The following ANO1 variants were observed in gnomAD, a reference collection of about 807,000 sequenced individuals.
ANO1 encodes the protein anoctamin 1.
Under a neutral mutation model 124.0 loss-of-function variants are expected in ANO1, and 59 were observed. The ratio of observed to expected loss-of-function variants is 0.48; its 90% CI spans 0.39 to 0.59. The LOEUF is 0.59. Among genes scored for constraint, ANO1 ranks in the 20% least tolerant of loss-of-function variants. The probability of loss-of-function intolerance (pLI) is 0.00; values close to 1 mark genes in which losing one functional copy is unlikely to be tolerated. For synonymous variants in ANO1, 529 were observed against 532.0 expected, an observed-to-expected ratio of 0.99 and a Z score of 0.08; for missense variants, 1,059 against 1,328.0, an observed-to-expected ratio of 0.80 and a Z score of 3.15.
rs747581961 is a variant in ANO1 at position 70,116,409 on chromosome 11, C to T, written c.856-49C>T. On this transcript the variant is annotated intron_variant, in intron 7 of 25. Coordinates refer to ENST00000355303, the MANE Select transcript of ANO1 (RefSeq NM_018043.7). ...GAAACATAATGGATGTGAGCGCCTC[C>T]AAAGCTCCATTGGATGATAAGAACG... 4 of 1,555,628 alleles carry T rather than the reference C, an allele frequency of 2.6e-6. No homozygotes were observed. In the South Asian group the frequency reaches 3.5e-5, roughly 14 times the overall value.
chr11:70,108,478 G>A, intron 6 of ANO1, 74 bp downstream of exon 6: 1 of 1,524,084 alleles, frequency 6.6e-7, no homozygotes, highest in Non-Finnish European at 9.1e-7. Flanking sequence ...CATCTCTGTG[G>A]GAGGCAGGCA....
At chr11:70,144,911 C>T (rs988652187) in intron 11 of ANO1, among the ~76,000 whole-genome samples, 1 of 152,190 alleles carries the variant, frequency 6.6e-6, no homozygotes, top group South Asian at 2.1e-4. Flanking sequence ...TGCGTCGTCC[C>T]TGCGTGGAGG....
At chr11:70,112,455 C>T (rs1360606471) in intron 7 of ANO1, among the ~76,000 whole-genome samples, 4 of 152,222 alleles carry the variant, frequency 2.6e-5, no homozygotes, top group African/African-American at 9.6e-5. Flanking sequence ...CCTGCTCCTC[C>T]GCCTTGAGTG....
intron 8 of ANO1, among the ~76,000 whole-genome samples, chr11:70,119,075 A>G (rs2046131166): frequency 7.6e-6 from 1 of 130,816 alleles, no homozygotes; most frequent in Middle Eastern, 5.6e-3. Context: ...CGGGTAGGTG[A>G]ATTGATGGAT....
At chr11:70,002,021 A>G (rs181272337) in intron 1 of ANO1, among the ~76,000 whole-genome samples, 2 of 152,324 alleles carry the variant, frequency 1.3e-5, no homozygotes, top group East Asian at 3.9e-4. Context: ...TCAATGACGA[A>G]CCACATACAG....
At chr11:70,115,698 G>A (rs537242571) in intron 7 of ANO1, among the ~76,000 whole-genome samples, 3 of 152,158 alleles carry the variant, frequency 2.0e-5, no homozygotes, top group African/African-American at 4.8e-5. Context: ...CGACAGGGCC[G>A]CTCCCTTGCT....
rs1016326297 is a variant in ANO1, at chr11:70,062,168, T to G, written c.59-16374T>G. On this transcript the variant is annotated intron_variant, in intron 1 of 27. Coordinates refer to the ANO1 transcript ENST00000531349. Reference sequence around the variant, plus strand: ...CTTGGCTCACTGCAACCTCTGCCTCTGAGGTTCAAGCGATTCTCCTGCCTC... The same window carrying G: ...CTTGGCTCACTGCAACCTCTGCCTCGGAGGTTCAAGCGATTCTCCTGCCTC... 4.1e-5 allele frequency among the ~76,000 whole-genome samples: 6 copies of G among 145,052 alleles called. No individual in the cohort carries two copies. In the South Asian group the frequency reaches 1.4e-3, roughly 34 times the overall value.
rs867098808 is a variant in ANO1, at chr11:70,120,862, G to A, written c.898-3488G>A. ...CTCCCAGGTCACAGTGACTGGAGCCGCCTGGCTGGCCTTGTTCTCCAGCCC... is the reference window on the plus strand; with the variant it reads ...CTCCCAGGTCACAGTGACTGGAGCCACCTGGCTGGCCTTGTTCTCCAGCCC... On this transcript the variant is annotated intron_variant, in intron 8 of 25. Coordinates refer to ENST00000355303, the MANE Select transcript of ANO1 (RefSeq NM_018043.7). 2.6e-4 allele frequency among the ~76,000 whole-genome samples: 39 copies of A among 152,248 alleles called. No homozygotes were observed. The Middle Eastern group carries it at 0.02, about 80-fold the overall frequency.
upstream of ANO1, among the ~76,000 whole-genome samples, chr11:70,076,616 C>T (rs2044061388): frequency 6.6e-6 from 1 of 152,210 alleles, no homozygotes; most frequent in Non-Finnish European, 1.5e-5. Flanking sequence ...GCCCTGGACA[C>T]TTGAACTTTT....
chr11:70,037,328 G>A (rs1436958477), intron 1 of ANO1, among the ~76,000 whole-genome samples: 2 of 152,138 alleles, frequency 1.3e-5, no homozygotes, highest in African/African-American at 2.4e-5. Context: ...TGTGGAGAAA[G>A]AGAAGAATTG....
chr11:70,012,357 TC>T (rs1433902612), intron 1 of ANO1, among the ~76,000 whole-genome samples: 1 of 151,604 alleles, frequency 6.6e-6, no homozygotes, highest in East Asian at 2.1e-4. Flanking sequence ...CCTTCATCCA[TC>T]CATCCATCCA....
chr11:70,001,698 T>C (rs1856384601), intron 1 of ANO1, among the ~76,000 whole-genome samples: 1 of 152,172 alleles, frequency 6.6e-6, no homozygotes, highest in African/African-American at 2.4e-5. Context: ...TGCATGGGCA[T>C]GTGTTAGCAA....
intron 8 of ANO1, among the ~76,000 whole-genome samples, chr11:70,118,534 A>T (rs930742276): frequency 1.3e-5 from 2 of 151,782 alleles, no homozygotes; most frequent in African/African-American, 2.4e-5. Flanking sequence ...ATGGATAGAG[A>T]TGGAGATGGA....
At chr11:70,146,471 A>G (rs1017822913) in intron 11 of ANO1, among the ~76,000 whole-genome samples, 1 of 152,144 alleles carries the variant, frequency 6.6e-6, no homozygotes, top group African/African-American at 2.4e-5. Flanking sequence ...ATGGAGGCCA[A>G]GTCTGGGAAA....
At chr11:70,107,594 C>T (rs1437239283) in intron 5 of ANO1, among the ~76,000 whole-genome samples, 1 of 151,678 alleles carries the variant, frequency 6.6e-6, no homozygotes, top group Admixed American at 6.6e-5. Flanking sequence ...CTGAAATGCA[C>T]GTCTGCATAG....
chr11:70,017,523 C>T (rs1856724309), intron 1 of ANO1, among the ~76,000 whole-genome samples: 1 of 145,728 alleles, frequency 6.9e-6, no homozygotes, highest in Non-Finnish European at 1.5e-5. Flanking sequence ...TCCTTCCTTC[C>T]TTTCTTTCTT....
At chr11:69,994,576 A>T (rs1554998082) in intron 1 of ANO1, among the ~76,000 whole-genome samples, 2 of 152,092 alleles carry the variant, frequency 1.3e-5, no homozygotes, top group African/African-American at 4.8e-5. Flanking sequence ...TTTAATTTTC[A>T]CTCATTTAGC....
intron 1 of ANO1, among the ~76,000 whole-genome samples, chr11:70,013,616 TAAAAC>T (rs143661202): frequency 0.48 from 71,026 of 148,776 alleles, 17,997 homozygotes; most frequent in East Asian, 0.88. Context: ...CCGTCTCCAC[TAAAAC>T]AAAACAAAAC....
At chr11:69,982,327 C>G (rs1855966723), upstream of ANO1, among the ~76,000 whole-genome samples, 1 of 152,194 alleles carries the variant, frequency 6.6e-6, no homozygotes, top group African/African-American at 2.4e-5. Flanking sequence ...GCCCACTTCT[C>G]CACCTTGGTG....
Sources: allele counts gnomAD v4.1 joint callset (sites outside exome capture counted in the v4.1 genomes callset), GRCh38; gene constraint gnomAD v4.1.1; transcripts MANE v1.5; gene names NCBI Gene and HGNC (gene_info 2026-07-23, HGNC 2026-07-21).